Variants in ARHGAP10 observed in about 807,000 individuals in gnomAD.
ARHGAP10 encodes rho GTPase-activating protein 10.
In ARHGAP10, 87 loss-of-function variants were observed where a neutral mutation model predicts 108.6. That is an observed-to-expected ratio of 0.80 (90% CI 0.67 to 0.96). The LOEUF (loss-of-function observed/expected upper bound fraction) is 0.96, where lower values mean the gene tolerates loss of function less well. ARHGAP10 is among the 40% of genes least tolerant of loss of function. The pLI, the probability that ARHGAP10 is intolerant of heterozygous loss-of-function variation, is 0.00. For missense variants in ARHGAP10, 939 were observed against 954.5 expected (o/e 0.98, Z 0.21); for synonymous variants, 347 against 341.1 (o/e 1.02, Z -0.19).
intron 1 of ARHGAP10, among the ~76,000 whole-genome samples, chr4:147,779,781 T>C (rs1438520798): frequency 6.6e-6 from 1 of 152,222 alleles, no homozygotes; most frequent in African/African-American, 2.4e-5. Context: ...CCATGCCTTT[T>C]GTTTTGTCTG....
At chr4:148,041,479 A>G (rs541010038) in intron 19 of ARHGAP10, among the ~76,000 whole-genome samples, 1 of 152,388 alleles carries the variant, frequency 6.6e-6, no homozygotes, top group Non-Finnish European at 1.5e-5. Flanking sequence ...AATGACCAGA[A>G]AATGAATGAA....
rs74871968 is a variant in ARHGAP10 at position 148,062,317 on chromosome 4, G to A, written c.2028-831G>A. ...GTGCAGAAGCCTCGGGAAACTGCTC[G>A]TGGAAACTGGTGTACTGGTTTAGCA... On this transcript the variant is annotated intron_variant, in intron 20 of 22. Transcript: ENST00000336498. Among the ~76,000 whole-genome samples the A allele has an allele frequency of 0.015, 2,317 of 152,256 alleles. 162 individuals are homozygous for A. In the East Asian group the frequency reaches 0.23, roughly 15 times the overall value.
intron 15 of ARHGAP10, among the ~76,000 whole-genome samples, chr4:147,950,405 G>A (rs1029643322): frequency 6.6e-6 from 1 of 152,188 alleles, no homozygotes; most frequent in Admixed American, 6.5e-5. Flanking sequence ...AGAGCAGGAG[G>A]TCTGGAGCCA....
intron 13 of ARHGAP10, among the ~76,000 whole-genome samples, chr4:147,913,818 A>G (rs1560823656): frequency 6.6e-6 from 1 of 152,140 alleles, no homozygotes; most frequent in Non-Finnish European, 1.5e-5. Flanking sequence ...AGCACTCTGA[A>G]GATACTCTCC....
chr4:147,953,324 G>A (rs946560478), intron 15 of ARHGAP10, among the ~76,000 whole-genome samples: 9 of 151,966 alleles, frequency 5.9e-5, no homozygotes, highest in Non-Finnish European at 2.9e-5. Context: ...TTTTATGGAA[G>A]AATTTGTATA....
At chr4:148,057,590 G>A (rs1316622415) in intron 20 of ARHGAP10, among the ~76,000 whole-genome samples, 1 of 152,244 alleles carries the variant, frequency 6.6e-6, no homozygotes, top group East Asian at 1.9e-4. Flanking sequence ...ACATGAGCCT[G>A]GGTGTGGGGA....
chr4:147,872,851 A>G (rs1317893804), intron 7 of ARHGAP10, among the ~76,000 whole-genome samples: 1 of 152,208 alleles, frequency 6.6e-6, no homozygotes, highest in Non-Finnish European at 1.5e-5. Flanking sequence ...AGGAAAATCC[A>G]TGTATAAGTA....
At chr4:147,765,486 G>A (rs1233013741) in intron 1 of ARHGAP10, among the ~76,000 whole-genome samples, 2 of 152,184 alleles carry the variant, frequency 1.3e-5, no homozygotes, top group African/African-American at 4.8e-5. Context: ...AGCATTTGCT[G>A]AAGAATGCTA....
chr4:147,826,867 T>G lies in ARHGAP10; in HGVS notation c.312+3910T>G, dbSNP rs530540452. ...CAAGTTTTCCTGATACTCATTCCAA[T>G]TCTGCCTCTTTCCCTCCCCAAGCCC... On this transcript the variant is annotated intron_variant, in intron 3 of 22. Transcript: ENST00000336498. Among the ~76,000 whole-genome samples, 5 of 152,278 alleles carry G rather than the reference T, an allele frequency of 3.3e-5. No individual in the cohort carries two copies. The East Asian group carries it at 9.6e-4, about 29-fold the overall frequency.
intron 4 of ARHGAP10, chr4:147,854,813 A>G (rs1340290967): frequency 1.0e-6 from 1 of 985,334 alleles, no homozygotes; most frequent in Non-Finnish European, 1.2e-6. Flanking sequence ...CATACCATAT[A>G]TGGACGAAGA....
chr4:147,870,928 C>CTGTGTGTATGTG (rs1553958673), intron 7 of ARHGAP10, among the ~76,000 whole-genome samples: 1 of 139,056 alleles, frequency 7.2e-6, no homozygotes, highest in African/African-American at 2.6e-5. Flanking sequence ...AAACTACAGA[C>CTGTGTGTATGTG]TGTGTGTGTG....
chr4:147,954,117 A>G (rs1034730108), intron 15 of ARHGAP10, among the ~76,000 whole-genome samples: 1 of 151,994 alleles, frequency 6.6e-6, no homozygotes, highest in Non-Finnish European at 1.5e-5. Flanking sequence ...GGCCCAGAAT[A>G]TGGTTAATCT....
At chr4:147,766,684 G>A (rs1392520504) in intron 1 of ARHGAP10, among the ~76,000 whole-genome samples, 1 of 143,842 alleles carries the variant, frequency 7.0e-6, no homozygotes, top group South Asian at 2.2e-4. Flanking sequence ...CTCCAGCCTG[G>A]GCGATAGAGC....
chr4:147,942,828 C>T (rs148223831), intron 14 of ARHGAP10, among the ~76,000 whole-genome samples: 17 of 152,378 alleles, frequency 1.1e-4, no homozygotes, highest in African/African-American at 2.6e-4. Context: ...CAGCTATCCG[C>T]TGGATTTCCA....
chr4:148,063,047 A>T, intron 20 of ARHGAP10, 101 bp from the exon 21 acceptor site: 1 of 1,401,714 alleles, frequency 7.1e-7, no homozygotes, highest in South Asian at 1.3e-5. Context: ...CAGGCATGAT[A>T]GGGGAATTAG....
intron 3 of ARHGAP10, among the ~76,000 whole-genome samples, chr4:147,839,423 C>T (rs997241755): frequency 3.9e-5 from 6 of 152,090 alleles, no homozygotes; most frequent in African/African-American, 9.7e-5. Context: ...TTCTGGGGAA[C>T]GGATGTAAAA....
At chr4:147,887,526 A>G (rs1735620332) in intron 10 of ARHGAP10, among the ~76,000 whole-genome samples, 2 of 152,100 alleles carry the variant, frequency 1.3e-5, no homozygotes, top group South Asian at 4.2e-4. Context: ...AACTCCTATA[A>G]ACATAACAAT....
At chr4:147,876,601 G>GA (rs921285482) in intron 8 of ARHGAP10, among the ~76,000 whole-genome samples, 43 of 151,796 alleles carry the variant, frequency 2.8e-4, no homozygotes, top group African/African-American at 9.9e-4. Flanking sequence ...TCAAAAAAAG[G>GA]AAAAAAACAA....
chr4:147,996,158 C>G (rs79395321), intron 18 of ARHGAP10, among the ~76,000 whole-genome samples: 1 of 152,184 alleles, frequency 6.6e-6, no homozygotes, highest in Non-Finnish European at 1.5e-5. Flanking sequence ...CACAAAGGTA[C>G]AGTCTCCTCC....
Sources: gnomAD v4.1 joint callset for allele counts (sites outside exome capture counted in the v4.1 genomes callset) on GRCh38, gnomAD v4.1.1 for gene constraint, MANE v1.5 for transcripts, NCBI Gene and HGNC (gene_info 2026-07-23, HGNC 2026-07-21) for gene names.